The following ZNF248 variants were observed in gnomAD, a reference collection of about 807,000 sequenced individuals.
ZNF248 encodes zinc finger protein 248, also known as KRAB protein domain.
Under a neutral mutation model 44.3 loss-of-function variants are expected in ZNF248, and 20 were observed. That is an observed-to-expected ratio of 0.45 (90% CI 0.32 to 0.66). The LOEUF (loss-of-function observed/expected upper bound fraction) is 0.66, where lower values mean the gene tolerates loss of function less well. ZNF248 is among the 30% of genes least tolerant of loss of function. ZNF248 has a pLI of 0.04. For synonymous variants in ZNF248, 224 were observed against 229.0 expected (o/e 0.98, Z 0.20); for missense variants, 654 against 677.0 (o/e 0.97, Z 0.38).
rs974443820 is a variant in ZNF248, at chr10:37,857,581, C to G, written c.-522G>C. The G allele has an allele frequency of 6.6e-6, 1 of 152,310 alleles. No individual in the cohort carries two copies. The highest frequency in any genetic ancestry group is 1.5e-5 in the Non-Finnish European group (1 of 68,104). 9.4% of individuals were successfully genotyped at this position (152,310 alleles called of 1,614,324 possible). A position where few individuals can be genotyped will look rare whatever the true frequency, so the allele number is the denominator to read the frequency against. ...TTGTGTCTAATTCATTTGTCGCGGA[C>G]CTGGCGCAGTCGCTCTCCCCCGCAG... On this transcript the variant is annotated 5_prime_UTR_variant, in exon 1 of 6. Transcript: ENST00000395867.
At chr10:37,771,237 A>G in the ZNF248 span, among the ~76,000 whole-genome samples, 1 of 152,202 alleles carries the variant, frequency 6.6e-6, no homozygotes, top group African/African-American at 2.4e-5. Flanking sequence ...ATCTAGAACT[A>G]GAAATACCAT....
chr10:37,805,324 T>C (rs1382723312), intron 6 of ZNF248, among the ~76,000 whole-genome samples: 5 of 152,192 alleles, frequency 3.3e-5, no homozygotes, highest in African/African-American at 7.2e-5. Context: ...GCTGGTACAA[T>C]TGAATATCTG....
intron 3 of ZNF248, among the ~76,000 whole-genome samples, chr10:37,852,637 CTATA>C (rs1344544725): frequency 6.7e-6 from 1 of 149,848 alleles, no homozygotes; most frequent in East Asian, 1.9e-4. Context: ...CTATCTCTCT[CTATA>C]TATAGATATA....
Position 37,830,096 on chromosome 10 carries a change from G to A in ZNF248, c.*1519C>T. 1.0e-6 allele frequency: 1 copy of A among 985,384 alleles called. No homozygotes were observed. Among genetic ancestry groups the A allele is most frequent in the Non-Finnish European group, 1.2e-6 (1 of 829,932 alleles). The allele number at this position is 985,384 out of a possible 1,614,324, so 61.0% of individuals were successfully genotyped here. A position where few individuals can be genotyped will look rare whatever the true frequency, so the allele number is the denominator to read the frequency against. The stretch of plus-strand genomic sequence containing the variant: ...TAATACGCAGAACTAGTGTTACATA[G>A]ACCGTGCCCAAACAGATACACAATG... On this transcript the variant is annotated 3_prime_UTR_variant, in exon 6 of 6. Transcript: ENST00000395867.
rs529958989 is a variant in ZNF248 at position 37,778,105 on chromosome 10, C to T, written c.331-1530G>A. On this transcript the variant is annotated intron_variant, in intron 6 of 6. Coordinates refer to the ZNF248 transcript ENST00000615949. ...TTCCAGTTCTAGATCCCTGAGGAAT[C>T]GCCACACTGACTTCCACAATGGTTG... 4.1e-4 allele frequency among the ~76,000 whole-genome samples: 63 copies of T among 152,230 alleles called. No homozygotes were observed. In the East Asian group the frequency reaches 9.7e-3, roughly 23 times the overall value.
chr10:37,824,037 T>C (rs896598730), downstream of ZNF248, among the ~76,000 whole-genome samples: 1 of 152,168 alleles, frequency 6.6e-6, no homozygotes, highest in Admixed American at 6.5e-5. Flanking sequence ...AAGAGCTTTA[T>C]GATAAGGAAT....
chr10:37,790,451 G>A (rs916295095), intron 6 of ZNF248, among the ~76,000 whole-genome samples: 3 of 151,672 alleles, frequency 2.0e-5, no homozygotes, highest in Non-Finnish European at 2.9e-5. Flanking sequence ...AGTGGCTCAC[G>A]CCTGTAATCA....
chr10:37,766,547 G>T, the ZNF248 span, among the ~76,000 whole-genome samples: 1 of 152,146 alleles, frequency 6.6e-6, no homozygotes, highest in East Asian at 1.9e-4. Flanking sequence ...AACTCCAACA[G>T]ACCTGCACCT....
At chr10:37,759,002 G>A in the ZNF248 span, among the ~76,000 whole-genome samples, 1 of 152,160 alleles carries the variant, frequency 6.6e-6, no homozygotes, top group African/African-American at 2.4e-5. Context: ...CTGCTGTCCT[G>A]TGCTAAAGGA....
the ZNF248 span, among the ~76,000 whole-genome samples, chr10:37,770,568 T>C: frequency 6.6e-6 from 1 of 152,160 alleles, no homozygotes; most frequent in Non-Finnish European, 1.5e-5. Context: ...TGGCTAGCCA[T>C]ATGTAGAAAG....
chr10:37,801,167 G>A (rs1173145950), intron 6 of ZNF248, among the ~76,000 whole-genome samples: 1 of 151,918 alleles, frequency 6.6e-6, no homozygotes, highest in African/African-American at 2.4e-5. Flanking sequence ...ATGAGGTCAG[G>A]AGATCGAGAC....
At chr10:37,806,065 T>G (rs1350639810) in intron 6 of ZNF248, among the ~76,000 whole-genome samples, 3 of 152,218 alleles carry the variant, frequency 2.0e-5, no homozygotes, top group Non-Finnish European at 2.9e-5. Flanking sequence ...CTGAACAATA[T>G]TGCACTGTGT....
the ZNF248 span, among the ~76,000 whole-genome samples, chr10:37,763,706 C>T: frequency 6.6e-6 from 1 of 152,212 alleles, no homozygotes; most frequent in South Asian, 2.1e-4. Context: ...TGCAGGAAGT[C>T]AGGGACCCTG....
intron 6 of ZNF248, among the ~76,000 whole-genome samples, chr10:37,783,545 A>T (rs2047550303): frequency 1.3e-5 from 2 of 152,252 alleles, no homozygotes; most frequent in South Asian, 4.1e-4. Flanking sequence ...ACTTTTGTGC[A>T]TCAAATGATG....
chr10:37,781,877 T>G (rs2047357285), intron 6 of ZNF248, among the ~76,000 whole-genome samples: 1 of 152,238 alleles, frequency 6.6e-6, no homozygotes, highest in Non-Finnish European at 1.5e-5. Context: ...CTCCTGCATT[T>G]ATTGACTGAC....
intron 3 of ZNF248, among the ~76,000 whole-genome samples, chr10:37,849,843 C>CA (rs1235890582): frequency 1.3e-5 from 2 of 152,072 alleles, no homozygotes. Flanking sequence ...AAGGCCAAGG[C>CA]ATGTGGATCA....
chr10:37,837,182 C>T (rs1589724068), intron 5 of ZNF248, among the ~76,000 whole-genome samples: 1 of 151,920 alleles, frequency 6.6e-6, no homozygotes, highest in East Asian at 1.9e-4. Flanking sequence ...GGCACAATCT[C>T]GGCTCACTGC....
intron 3 of ZNF248, among the ~76,000 whole-genome samples, chr10:37,850,506 A>C (rs1187569842): frequency 6.6e-6 from 1 of 152,224 alleles, no homozygotes; most frequent in East Asian, 1.9e-4. Flanking sequence ...ATGAAGAAGA[A>C]TAAAGTAAAA....
intron 5 of ZNF248, 106 bp from the exon 6 acceptor site, chr10:37,833,222 A>G: frequency 7.0e-7 from 1 of 1,435,808 alleles, no homozygotes; most frequent in Non-Finnish European, 9.1e-7. Context: ...TTTGTTTTAA[A>G]TTCAGTTTCC....
Sources: allele counts gnomAD v4.1 joint callset (sites outside exome capture counted in the v4.1 genomes callset), GRCh38; gene constraint gnomAD v4.1.1; transcripts MANE v1.5; gene names NCBI Gene and HGNC (gene_info 2026-07-23, HGNC 2026-07-21).